Variants in NRG3 observed in about 807,000 individuals in gnomAD.
The protein encoded by NRG3 is neuregulin 3.
NRG3 carries 31 observed loss-of-function variants against 66.9 expected under a neutral mutation model. The observed-to-expected ratio is 0.46, with a 90% confidence interval of 0.35 to 0.63. NRG3 has a LOEUF of 0.63. Among genes scored for constraint, NRG3 ranks in the 20% least tolerant of loss-of-function variants. The probability of loss-of-function intolerance (pLI) is 0.00; values close to 1 mark genes in which losing one functional copy is unlikely to be tolerated. For synonymous variants in NRG3, 393 were observed against 359.4 expected (o/e 1.09, Z -1.06); for missense variants, 910 against 878.9 (o/e 1.04, Z -0.45).
intron 2 of NRG3, among the ~76,000 whole-genome samples, chr10:82,666,666 G>C (rs765265770): frequency 9.9e-5 from 15 of 152,074 alleles, no homozygotes; most frequent in Non-Finnish European, 1.9e-4. Context: ...TTAATCCCTT[G>C]AATCCTCTTC....
At chr10:82,532,652 T>C (rs983146266) in intron 2 of NRG3, among the ~76,000 whole-genome samples, 15 of 149,730 alleles carry the variant, frequency 1.0e-4, no homozygotes, top group East Asian at 2.0e-4. Flanking sequence ...TGCATATATG[T>C]ATATATCTCT....
intron 2 of NRG3, among the ~76,000 whole-genome samples, chr10:82,492,979 A>ATGAGCATGGATGGATTAGT (rs1843284709): frequency 6.6e-6 from 1 of 152,138 alleles, no homozygotes; most frequent in Non-Finnish European, 1.5e-5. Context: ...TTTCTTACTA[A>ATGAGCATGGATGGATTAGT]TGAGCATGGA....
rs961732239 is a variant in NRG3 at position 82,197,559 on chromosome 10, A to G, written c.824-161180A>G. On this transcript the variant is annotated intron_variant, in intron 1 of 8. Coordinates refer to ENST00000372141, the MANE Select transcript of NRG3 (RefSeq NM_001010848.4). ...TGTGATCTGGCATAGGTTCAATTAT[A>G]TTTTCATTGATAATTTTCCTATAAA... 3.9e-5 allele frequency among the ~76,000 whole-genome samples: 6 copies of G among 152,240 alleles called. No homozygotes were observed. In the East Asian group the frequency reaches 9.7e-4, roughly 25 times the overall value.
At chr10:82,669,641 G>T (rs948173963) in intron 2 of NRG3, among the ~76,000 whole-genome samples, 2 of 152,098 alleles carry the variant, frequency 1.3e-5, no homozygotes, top group African/African-American at 4.8e-5. Flanking sequence ...TTAAAAAGCC[G>T]CAACATGCCG....
chr10:82,386,449 C>A (rs1057205003), intron 2 of NRG3, among the ~76,000 whole-genome samples: 1 of 152,094 alleles, frequency 6.6e-6, no homozygotes, highest in African/African-American at 2.4e-5. Context: ...ATGAAATATT[C>A]AGCCTAGGTC....
chr10:82,027,567 T>C (rs1032772313), intron 1 of NRG3, among the ~76,000 whole-genome samples: 1 of 152,140 alleles, frequency 6.6e-6, no homozygotes, highest in Non-Finnish European at 1.5e-5. Context: ...GAGGAAACTA[T>C]TAGCTACAAA....
In NRG3 at chr10:82,916,649, CAG is replaced by C. The variant is rs983101127; in HGVS notation, c.1055-34817_1055-34816del. Among the ~76,000 whole-genome samples the C allele has an allele frequency of 2.7e-5, 4 of 149,160 alleles. No homozygotes were observed. The Admixed American group carries it at 2.7e-4, about 10-fold the overall frequency. On this transcript the variant is annotated intron_variant, in intron 4 of 8. Coordinates refer to ENST00000372141, the MANE Select transcript of NRG3 (RefSeq NM_001010848.4). ...AATTACATTTTTTTTTTTTTTGAGA[CAG>C]AGCCTTGCTTGGTCGCTCAGGCTGG... is the stretch of plus-strand genomic sequence containing the variant.
intron 3 of NRG3, among the ~76,000 whole-genome samples, chr10:82,805,868 C>T (rs2061257260): frequency 6.6e-6 from 1 of 152,170 alleles, no homozygotes; most frequent in African/African-American, 2.4e-5. Flanking sequence ...CAAATGTGCA[C>T]AGGCCTGTTC....
chr10:82,839,436 C>G (rs1386426546), intron 3 of NRG3, among the ~76,000 whole-genome samples: 9 of 151,738 alleles, frequency 5.9e-5, no homozygotes, highest in African/African-American at 2.2e-4. Context: ...TATTTATAAT[C>G]TCAATATATG....
intron 1 of NRG3, among the ~76,000 whole-genome samples, chr10:81,940,293 A>G (rs1848293366): frequency 6.6e-6 from 1 of 152,122 alleles, no homozygotes; most frequent in Non-Finnish European, 1.5e-5. Flanking sequence ...GTTGGTTTGC[A>G]GTGTTGTTCA....
At chr10:82,297,962 C>A (rs550864498) in intron 1 of NRG3, among the ~76,000 whole-genome samples, 1 of 152,068 alleles carries the variant, frequency 6.6e-6, no homozygotes, top group African/African-American at 2.4e-5. Flanking sequence ...GGCAACATGG[C>A]AAAACCTTGT....
At chr10:82,094,630 G>A (rs557551296) in intron 1 of NRG3, among the ~76,000 whole-genome samples, 64 of 152,184 alleles carry the variant, frequency 4.2e-4, no homozygotes, top group Non-Finnish European at 8.8e-4. Flanking sequence ...TGTGATGTGT[G>A]TATATATATC....
chr10:82,962,839 AAAAC>A (rs1290162910), intron 6 of NRG3, among the ~76,000 whole-genome samples: 3 of 152,158 alleles, frequency 2.0e-5, no homozygotes, highest in Admixed American at 6.5e-5. Flanking sequence ...ACTCAGCCTC[AAAAC>A]AAACAAACAA....
At chr10:82,939,868 C>T (rs1392512312) in intron 4 of NRG3, among the ~76,000 whole-genome samples, 3 of 151,562 alleles carry the variant, frequency 2.0e-5, no homozygotes, top group Non-Finnish European at 4.4e-5. Context: ...TCCCCCACCT[C>T]AAGAAATTGC....
intron 1 of NRG3, among the ~76,000 whole-genome samples, chr10:82,136,476 G>A (rs2069356920): frequency 6.6e-6 from 1 of 152,264 alleles, no homozygotes; most frequent in South Asian, 2.1e-4. Context: ...GCCATGGCCT[G>A]GAGTCAGAAA....
intron 2 of NRG3, among the ~76,000 whole-genome samples, chr10:82,408,046 CGAGAGAGAGAGAGAGA>C (rs536927208): frequency 7.4e-5 from 4 of 54,420 alleles, no homozygotes; most frequent in African/African-American, 2.5e-4. Context: ...AAGACTACAT[CGAGAGAGAGAGAGAGA>C]GAGAGAGAGA....
chr10:81,979,791 A>T (rs7094846), intron 1 of NRG3, among the ~76,000 whole-genome samples: 1 of 152,004 alleles, frequency 6.6e-6, no homozygotes, highest in South Asian at 2.1e-4. Context: ...GACCGCTCTA[A>T]TGGGTTTTAC....
intron 1 of NRG3, among the ~76,000 whole-genome samples, chr10:82,021,418 G>A (rs1285369238): frequency 6.6e-6 from 1 of 152,084 alleles, no homozygotes; most frequent in African/African-American, 2.4e-5. Flanking sequence ...CTGGAAACAA[G>A]TTAATTTTTC....
chr10:82,006,296 CTATT>C (rs2061374175), intron 1 of NRG3, among the ~76,000 whole-genome samples: 2 of 151,920 alleles, frequency 1.3e-5, no homozygotes, highest in African/African-American at 4.8e-5. Flanking sequence ...GCCTGTTTTT[CTATT>C]TATTTTTATT....
Sources: gnomAD v4.1 joint callset for allele counts (sites outside exome capture counted in the v4.1 genomes callset) on GRCh38, gnomAD v4.1.1 for gene constraint, MANE v1.5 for transcripts, NCBI Gene and HGNC (gene_info 2026-07-23, HGNC 2026-07-21) for gene names.